The following TEKTIP1 variants were observed in gnomAD, a reference collection of about 807,000 sequenced individuals.
The protein encoded by TEKTIP1 is tektin bundle interacting protein 1, also known as tektin bundle-interacting protein 1.
At chr19:3,540,468 G>C in the TEKTIP1 span, among the ~76,000 whole-genome samples, 2 of 151,376 alleles carry the variant, frequency 1.3e-5, no homozygotes, top group Non-Finnish European at 2.9e-5. Context: ...ATGTTGGCCA[G>C]GATGGTCTCG....
At chr19:3,542,762 C>A in the TEKTIP1 span, 1 of 1,355,696 alleles carries the variant, frequency 7.4e-7, no homozygotes, top group East Asian at 4.6e-5. Flanking sequence ...GGTTTACAAG[C>A]GTGAGCCACA....
chr19:3,540,906 C>T, the TEKTIP1 span, among the ~76,000 whole-genome samples: 1 of 146,634 alleles, frequency 6.8e-6, no homozygotes, highest in Non-Finnish European at 1.5e-5. Context: ...CGCAGTGGCT[C>T]ACGCCTGTAA....
chr19:3,541,194 G>A, the TEKTIP1 span, among the ~76,000 whole-genome samples: 2 of 145,978 alleles, frequency 1.4e-5, no homozygotes, highest in Non-Finnish European at 3.0e-5. Flanking sequence ...AAATCAACCA[G>A]GCATGGCGGC....
At chr19:3,543,012 C>G in the TEKTIP1 span, 13 of 1,602,548 alleles carry the variant, frequency 8.1e-6, no homozygotes, top group Admixed American at 2.2e-4. Context: ...GACTTGGGTG[C>G]TTGGGGTGCG....
the TEKTIP1 span, chr19:3,543,246 T>C: frequency 2.2e-5 from 34 of 1,544,886 alleles, no homozygotes; most frequent in South Asian, 1.7e-4. Context: ...GATGACTACC[T>C]GTCCCTGGAG....
chr19:3,543,401 G>C, the TEKTIP1 span: 6 of 1,548,232 alleles, frequency 3.9e-6, no homozygotes, highest in Admixed American at 2.0e-5. Context: ...ACGGGCCCCG[G>C]CCAGCCCCTT....
chr19:3,542,649 AT>A, the TEKTIP1 span: 1 of 1,107,540 alleles, frequency 9.0e-7, no homozygotes, highest in East Asian at 6.2e-5. Flanking sequence ...GCCTGGCTTA[AT>A]TTTCGTATTT....
the TEKTIP1 span, chr19:3,542,244 G>A: frequency 1.0e-5 from 10 of 985,322 alleles, no homozygotes; most frequent in Non-Finnish European, 1.2e-5. Context: ...CCTCAAACAG[G>A]CTCTGTAACT....
At chr19:3,543,161 T>C in the TEKTIP1 span, 1 of 1,517,692 alleles carries the variant, frequency 6.6e-7, no homozygotes, top group Non-Finnish European at 8.8e-7. Context: ...TCATCCACCC[T>C]GGCAGACATC....
chr19:3,543,415 C>T, the TEKTIP1 span: 105 of 1,547,146 alleles, frequency 6.8e-5, no homozygotes, highest in African/African-American at 5.5e-5. Flanking sequence ...GCCCCTTCCG[C>T]GAGGCCTACA....
chr19:3,540,519 G>T, the TEKTIP1 span, among the ~76,000 whole-genome samples: 1 of 151,026 alleles, frequency 6.6e-6, no homozygotes, highest in Non-Finnish European at 1.5e-5. Context: ...GCCTCCCAAA[G>T]TGCTGGGATT....
chr19:3,543,086 G>C, the TEKTIP1 span: 1 of 1,567,798 alleles, frequency 6.4e-7, no homozygotes, highest in Non-Finnish European at 8.6e-7. Context: ...GAGGGGTACA[G>C]GGCTGAAGGA....
At chr19:3,543,105 A>G in the TEKTIP1 span, 1 of 1,534,946 alleles carries the variant, frequency 6.5e-7, no homozygotes, top group Non-Finnish European at 8.7e-7. Flanking sequence ...GACAGACTCC[A>G]AGTGGCGAGG....
chr19:3,539,208 C>T, the TEKTIP1 span: 1 of 1,550,656 alleles, frequency 6.4e-7, no homozygotes, highest in Non-Finnish European at 8.7e-7. Context: ...GGCTGCACGG[C>T]CCTGTATCCC....
At chr19:3,543,484 C>CT in the TEKTIP1 span, 11 of 1,513,400 alleles carry the variant, frequency 7.3e-6, 2 homozygotes, top group Admixed American at 2.2e-4. Flanking sequence ...GTGAGTGCCC[C>CT]CCCCCCCGCC....
chr19:3,541,680 G>A, the TEKTIP1 span: 2 of 985,270 alleles, frequency 2.0e-6, no homozygotes, highest in African/African-American at 1.7e-5. Context: ...TCCCGCAAGT[G>A]TGTAATAACG....
chr19:3,539,682 T>G, the TEKTIP1 span: 1 of 179,264 alleles, frequency 5.6e-6, no homozygotes, highest in Non-Finnish European at 1.2e-5. Flanking sequence ...TCACCCGGCC[T>G]TCCTGTCTGC....
chr19:3,542,600 A>C, the TEKTIP1 span: 2 of 747,394 alleles, frequency 2.7e-6, no homozygotes, highest in Non-Finnish European at 3.3e-6. Context: ...CAGCCTCCTG[A>C]GTAGCTGGGA....
the TEKTIP1 span, chr19:3,539,217 C>T: frequency 6.5e-7 from 1 of 1,545,820 alleles, no homozygotes; most frequent in Non-Finnish European, 8.7e-7. Flanking sequence ...GCCCTGTATC[C>T]CCTCGGGGAC....
Sources: gnomAD v4.1 joint callset for allele counts (sites outside exome capture counted in the v4.1 genomes callset) on GRCh38, gnomAD v4.1.1 for gene constraint, MANE v1.5 for transcripts, NCBI Gene and HGNC (gene_info 2026-07-23, HGNC 2026-07-21) for gene names.